The following PDE4D variants were observed in gnomAD, a reference collection of about 807,000 sequenced individuals.
PDE4D encodes phosphodiesterase 4D.
Under a neutral mutation model 87.4 loss-of-function variants are expected in PDE4D, and 24 were observed. The observed-to-expected ratio is 0.27, with a 90% confidence interval of 0.20 to 0.39. The LOEUF (loss-of-function observed/expected upper bound fraction) is 0.39, where lower values mean the gene tolerates loss of function less well. Ranked by LOEUF, PDE4D falls within the 10% of genes least tolerant of loss-of-function variation. The pLI is 1.00. For missense variants in PDE4D, 714 were observed against 1,041.0 expected (o/e 0.69, Z 4.32); for synonymous variants, 384 against 383.2 (o/e 1.00, Z -0.02).
chr5:59,304,970 G>T (rs1268842583), intron 1 of PDE4D, among the ~76,000 whole-genome samples: 1 of 152,044 alleles, frequency 6.6e-6, no homozygotes, highest in Non-Finnish European at 1.5e-5. Context: ...CAAAAGGATT[G>T]GTACCAATTC....
chr5:59,464,752 T>A (rs531366543), intron 1 of PDE4D, among the ~76,000 whole-genome samples: 4 of 152,290 alleles, frequency 2.6e-5, no homozygotes, highest in Non-Finnish European at 5.9e-5. Flanking sequence ...ACCCACCCCT[T>A]CACTCGGGTC....
At chr5:59,639,881 G>T (rs988063107) in intron 1 of PDE4D, among the ~76,000 whole-genome samples, 1 of 149,640 alleles carries the variant, frequency 6.7e-6, no homozygotes, top group Non-Finnish European at 1.5e-5. Flanking sequence ...TACACAGGAA[G>T]TTTCTTTGGT....
intron 5 of PDE4D, among the ~76,000 whole-genome samples, chr5:59,078,859 C>G (rs563630704): frequency 1.3e-5 from 2 of 152,222 alleles, no homozygotes; most frequent in East Asian, 3.9e-4. Flanking sequence ...GAGCTTTGCC[C>G]TGATGTAAGG....
At chr5:59,045,461 G>A (rs1446804106) in intron 5 of PDE4D, among the ~76,000 whole-genome samples, 1 of 150,776 alleles carries the variant, frequency 6.6e-6, no homozygotes, top group Non-Finnish European at 1.5e-5. Flanking sequence ...GCTGAGGCAG[G>A]AGAATCGCTT....
intron 1 of PDE4D, among the ~76,000 whole-genome samples, chr5:59,364,587 G>T (rs1419227195): frequency 2.6e-5 from 4 of 152,044 alleles, no homozygotes; most frequent in African/African-American, 7.2e-5. Flanking sequence ...ACAAACTTTG[G>T]TCAAAGAAAC....
At chr5:59,736,184 A>C (rs1012074890) in intron 1 of PDE4D, among the ~76,000 whole-genome samples, 1 of 152,048 alleles carries the variant, frequency 6.6e-6, no homozygotes, top group African/African-American at 2.4e-5. Context: ...TTGATTCATC[A>C]GGTAGATATT....
At chr5:59,871,809 A>C (rs1747854001) in intron 1 of PDE4D, among the ~76,000 whole-genome samples, 3 of 152,192 alleles carry the variant, frequency 2.0e-5, no homozygotes, top group Admixed American at 2.0e-4. Context: ...TTTTTGGACT[A>C]GTTGGACAAT....
chr5:59,381,917 C>CA (rs1785948940), intron 1 of PDE4D, among the ~76,000 whole-genome samples: 3 of 151,792 alleles, frequency 2.0e-5, no homozygotes, highest in Admixed American at 2.0e-4. Context: ...TAGGAGAAAA[C>CA]AAAAAACTAG....
chr5:60,346,386 C>T (rs1758750692), intron 1 of PDE4D, among the ~76,000 whole-genome samples: 1 of 152,242 alleles, frequency 6.6e-6, no homozygotes, highest in Non-Finnish European at 1.5e-5. Context: ...AGGAAAGCTA[C>T]AATTTTCTAT....
chr5:59,656,714 T>A (rs984427767), intron 1 of PDE4D, among the ~76,000 whole-genome samples: 5 of 152,164 alleles, frequency 3.3e-5, no homozygotes, highest in African/African-American at 4.8e-5. Context: ...GTAATAATAC[T>A]TATTGGCAAG....
At chr5:59,791,043 G>A (rs1036772095) in intron 1 of PDE4D, among the ~76,000 whole-genome samples, 3 of 152,146 alleles carry the variant, frequency 2.0e-5, no homozygotes, top group Non-Finnish European at 4.4e-5. Context: ...CCTGTCTGAG[G>A]AAGACTTCCG....
chr5:60,388,541 T>C (rs993910196), intron 1 of PDE4D, among the ~76,000 whole-genome samples: 4 of 152,212 alleles, frequency 2.6e-5, no homozygotes, highest in Non-Finnish European at 5.9e-5. Context: ...TGTGTCCATG[T>C]GTTCTCAGTG....
chr5:59,250,313 CA>C (rs10717217), intron 1 of PDE4D, among the ~76,000 whole-genome samples: 93,411 of 137,850 alleles, frequency 0.68, 30,671 homozygotes, highest in African/African-American at 0.74. Context: ...ACTGTCTCTA[CA>C]AAAAAAAAAA....
intron 3 of PDE4D, among the ~76,000 whole-genome samples, chr5:59,940,453 A>C (rs1287662526): frequency 6.6e-6 from 1 of 152,132 alleles, no homozygotes; most frequent in Non-Finnish European, 1.5e-5. Flanking sequence ...GTGGAGGTAG[A>C]GAGAGGAGGA....
At chr5:60,201,772 G>T (rs1402381673) in intron 1 of PDE4D, among the ~76,000 whole-genome samples, 1 of 152,120 alleles carries the variant, frequency 6.6e-6, no homozygotes, top group Non-Finnish European at 1.5e-5. Flanking sequence ...TAACAAAGGA[G>T]TAATTTCTGT....
At chr5:60,204,775 T>A (rs1448285760) in intron 1 of PDE4D, among the ~76,000 whole-genome samples, 2 of 152,194 alleles carry the variant, frequency 1.3e-5, no homozygotes, top group Admixed American at 6.5e-5. Context: ...ACAGACTTTT[T>A]AACCCAGAAT....
chr5:59,719,410 T>C (rs1024245864), intron 1 of PDE4D, among the ~76,000 whole-genome samples: 7 of 152,166 alleles, frequency 4.6e-5, no homozygotes, highest in African/African-American at 1.7e-4. Flanking sequence ...TAGTAAAATA[T>C]AATGAAGTAC....
intron 3 of PDE4D, among the ~76,000 whole-genome samples, chr5:59,901,800 G>A (rs887822856): frequency 6.6e-6 from 1 of 152,002 alleles, no homozygotes. Flanking sequence ...GTAGATCAAT[G>A]AAAACTCATA....
intron 5 of PDE4D, among the ~76,000 whole-genome samples, chr5:59,158,345 AGCTCT>A (rs1780546432): frequency 1.3e-5 from 2 of 152,294 alleles, no homozygotes; most frequent in South Asian, 4.2e-4. Context: ...AAGGTCTCTC[AGCTCT>A]GAGTCACTTA....
Sources: allele counts gnomAD v4.1 joint callset (sites outside exome capture counted in the v4.1 genomes callset), GRCh38; gene constraint gnomAD v4.1.1; transcripts MANE v1.5; gene names NCBI Gene and HGNC (gene_info 2026-07-23, HGNC 2026-07-21).